NOL10: variants seen among roughly 807,000 people sequenced by gnomAD.
NOL10 encodes the protein nucleolar protein 10.
A neutral mutation model predicts 103.5 loss-of-function variants in NOL10; 58 were observed. The observed-to-expected ratio is 0.56, with a 90% CI of 0.45 to 0.70. The LOEUF is 0.70. NOL10 is among the 30% of genes least tolerant of loss of function. NOL10 has a pLI of 0.00. For missense variants in NOL10, 763 were observed against 807.3 expected, an observed-to-expected ratio of 0.95 and a Z score of 0.67; for synonymous variants, 287 against 282.5, an observed-to-expected ratio of 1.02 and a Z score of -0.16.
intron 13 of NOL10, among the ~76,000 whole-genome samples, chr2:10,615,691 G>A (rs1418097793): frequency 6.6e-6 from 1 of 152,226 alleles, no homozygotes; most frequent in Non-Finnish European, 1.5e-5. Context: ...AGAGCTTACA[G>A]AGGTGAACAG....
intron 6 of NOL10, 128 bp downstream of exon 6, chr2:10,671,426 T>TA (rs1369683749): frequency 1.7e-5 from 12 of 692,802 alleles, no homozygotes; most frequent in Middle Eastern, 2.7e-4. Context: ...TTTTTTTTTT[T>TA]ACAAGAGCCA....
intron 19 of NOL10, among the ~76,000 whole-genome samples, chr2:10,587,240 CAT>C (rs1349120973): frequency 3.2e-5 from 1 of 31,158 alleles, no homozygotes; most frequent in Admixed American, 3.6e-4. Flanking sequence ...TATATATATA[CAT>C]ACATATATAT....
chr2:10,574,148 C>G (rs190777472), intron 20 of NOL10, among the ~76,000 whole-genome samples: 2 of 152,146 alleles, frequency 1.3e-5, no homozygotes, highest in Non-Finnish European at 2.9e-5. Context: ...AGACTGAGAA[C>G]TGTGGTGGCA....
At chr2:10,588,648 GAGTA>G (rs957634521) in intron 19 of NOL10, among the ~76,000 whole-genome samples, 2 of 152,192 alleles carry the variant, frequency 1.3e-5, no homozygotes, top group South Asian at 2.1e-4. Context: ...GTAGGGCACA[GAGTA>G]AGTATTTGTA....
intron 19 of NOL10, among the ~76,000 whole-genome samples, chr2:10,578,208 G>C (rs935474974): frequency 1.3e-5 from 2 of 152,162 alleles, no homozygotes; most frequent in African/African-American, 4.8e-5. Flanking sequence ...AAGTCCTCCA[G>C]GTCAAGCCAC....
intron 13 of NOL10, among the ~76,000 whole-genome samples, chr2:10,638,941 T>C (rs1252946935): frequency 1.3e-5 from 2 of 151,626 alleles, no homozygotes; most frequent in Non-Finnish European, 2.9e-5. Context: ...TAGTTGGGAC[T>C]ACAGGCACAC....
At chr2:10,602,988 G>T in intron 15 of NOL10, 90 bp downstream of exon 15, 1 of 1,245,590 alleles carries the variant, frequency 8.0e-7, no homozygotes, top group Non-Finnish European at 1.2e-6. Flanking sequence ...CAAATCCTAT[G>T]TATGATTTAT....
intron 12 of NOL10, among the ~76,000 whole-genome samples, chr2:10,652,424 A>T (rs76478592): frequency 6.6e-6 from 1 of 152,150 alleles, no homozygotes; most frequent in African/African-American, 2.4e-5. Flanking sequence ...GAAAAAAAAA[A>T]GCCATGGACC....
At chr2:10,625,989 C>G (rs1677436219) in intron 13 of NOL10, among the ~76,000 whole-genome samples, 1 of 151,564 alleles carries the variant, frequency 6.6e-6, no homozygotes, top group Non-Finnish European at 1.5e-5. Context: ...GCCTGGGCAA[C>G]AGAGTGAAAC....
intron 13 of NOL10, among the ~76,000 whole-genome samples, chr2:10,610,299 A>C (rs1374783063): frequency 6.6e-6 from 1 of 152,200 alleles, no homozygotes; most frequent in Non-Finnish European, 1.5e-5. Context: ...CTAGATGTGA[A>C]TTGACTTTCA....
chr2:10,688,016 C>G (rs11685737), intron 1 of NOL10, among the ~76,000 whole-genome samples: 5,239 of 152,282 alleles, frequency 0.034, 176 homozygotes, highest in African/African-American at 0.084. Flanking sequence ...GTTAGCAGCA[C>G]CACCGTGCAC....
Position 10,671,615 on chromosome 2 carries a change from T to C in NOL10, c.403A>G (p.Lys135Glu), listed in dbSNP as rs544690608. The C allele has an allele frequency of 1.3e-6, 2 of 1,599,914 alleles. No individual in the cohort carries two copies. The highest frequency in any genetic ancestry group is 1.1e-5 in the South Asian group (1 of 88,400). The change falls in exon 6 of 21, where the codon AAG becomes GAG. Residue 135 changes from lysine to glutamate, a missense_variant. Coordinates refer to ENST00000381685, the MANE Select transcript of NOL10 (RefSeq NM_024894.4). The stretch of plus-strand genomic sequence containing the variant: ...TGGTAAGAGAAATCTCTCCCAAACT[T>C]TGGTATTCTGGTTTTGTAGTAAAAA... ...SGFYYKTRIPKFGRDFSYHYP... is the reference protein window; with the variant it reads ...SGFYYKTRIPEFGRDFSYHYP...
chr2:10,619,756 G>A (rs1677025976), intron 13 of NOL10, among the ~76,000 whole-genome samples: 1 of 152,152 alleles, frequency 6.6e-6, no homozygotes, highest in South Asian at 2.1e-4. Context: ...AAAAACAGAT[G>A]TTTATTTTAA....
At chr2:10,613,676 T>C (rs1008240241) in intron 13 of NOL10, among the ~76,000 whole-genome samples, 2 of 152,200 alleles carry the variant, frequency 1.3e-5, no homozygotes, top group Non-Finnish European at 2.9e-5. Context: ...ATCCTAGAAA[T>C]TGAATTTAAA....
intron 12 of NOL10, among the ~76,000 whole-genome samples, chr2:10,648,506 T>C (rs944717924): frequency 6.6e-6 from 1 of 152,156 alleles, no homozygotes; most frequent in Non-Finnish European, 1.5e-5. Context: ...TCTTACGAGT[T>C]ATTAGATAGT....
chr2:10,578,548 T>TGGC (rs1674591775), intron 19 of NOL10, among the ~76,000 whole-genome samples: 1 of 152,240 alleles, frequency 6.6e-6, no homozygotes, highest in African/African-American at 2.4e-5. Flanking sequence ...TACAGTCTGC[T>TGGC]GTGCCCTGCA....
intron 17 of NOL10, among the ~76,000 whole-genome samples, chr2:10,592,644 A>G (rs537360609): frequency 1.1e-4 from 16 of 152,246 alleles, no homozygotes; most frequent in Non-Finnish European, 2.2e-4. Flanking sequence ...TCATCTTACT[A>G]TATTTATTAA....
At chr2:10,638,981 T>C (rs1678516081) in intron 13 of NOL10, among the ~76,000 whole-genome samples, 1 of 151,376 alleles carries the variant, frequency 6.6e-6, no homozygotes, top group East Asian at 2.0e-4. Context: ...TTTTGTACTT[T>C]CAGTAGAGAT....
intron 20 of NOL10, among the ~76,000 whole-genome samples, chr2:10,576,690 G>C (rs1343489295): frequency 6.6e-6 from 1 of 152,226 alleles, no homozygotes; most frequent in Non-Finnish European, 1.5e-5. Context: ...AAGTAGATTA[G>C]TGGTTGCCAG....
Sources: allele counts gnomAD v4.1 joint callset (sites outside exome capture counted in the v4.1 genomes callset), GRCh38; gene constraint gnomAD v4.1.1; transcripts MANE v1.5; gene names NCBI Gene and HGNC (gene_info 2026-07-23, HGNC 2026-07-21).